The following ADGRL3 variants were observed in gnomAD, a reference collection of about 807,000 sequenced individuals.
The protein encoded by ADGRL3 is calcium-independent alpha-latrotoxin receptor 3.
ADGRL3 carries 62 observed loss-of-function variants against 153.5 expected under a neutral mutation model. The ratio of observed to expected loss-of-function variants is 0.40; its 90% CI spans 0.33 to 0.50. The LOEUF (loss-of-function observed/expected upper bound fraction) is 0.50. Ranked by LOEUF, ADGRL3 falls within the 20% of genes least tolerant of loss-of-function variation. The pLI is 0.47. For missense variants in ADGRL3, 1,641 were observed against 1,859.4 expected (o/e 0.88, Z 2.16); for synonymous variants, 710 against 672.5 (o/e 1.06, Z -0.86).
Position 61,517,303 on chromosome 4 carries a change from C to CG in ADGRL3, c.56-10dup. 1.4e-6 allele frequency: 1 copy of CG among 702,158 alleles called. No individual in the cohort carries two copies. The highest frequency in any genetic ancestry group is 2.6e-6 in the Non-Finnish European group (1 of 384,980). 43.5% of individuals were successfully genotyped at this position (702,158 alleles called of 1,614,324 possible). ...AGCAGGGGTCTGATGGTGCGCCCTG[C>CG]GGTCCCCGCAGGTGGCAAGCACAGT... is the stretch of plus-strand genomic sequence containing the variant. On this transcript the variant is annotated splice_polypyrimidine_tract_variant and intron_variant, in intron 3 of 26. Coordinates refer to ENST00000683033, the MANE Select transcript of ADGRL3 (RefSeq NM_001387552.1).
intron 20 of ADGRL3, 58 bp downstream of exon 20, chr4:61,996,415 C>A: frequency 1.7e-6 from 2 of 1,161,228 alleles, no homozygotes; most frequent in Non-Finnish European, 2.6e-6. Context: ...CTTTCACTAT[C>A]CCAGTACTGA....
intron 9 of ADGRL3, among the ~76,000 whole-genome samples, chr4:61,878,410 T>A (rs545632864): frequency 6.6e-6 from 1 of 152,320 alleles, no homozygotes; most frequent in East Asian, 1.9e-4. Flanking sequence ...TGTTTGTTTT[T>A]TGGGTTTTGT....
At chr4:61,383,065 A>G (rs2096690022) in intron 1 of ADGRL3, 59 bp from the exon 2 acceptor site, 2 of 151,896 alleles carry the variant, frequency 1.3e-5, no homozygotes, top group South Asian at 2.1e-4. Context: ...CTGTAACCAT[A>G]AAACAGAATA....
At position 61,303,539 on chromosome 4, in the gene ADGRL3, AC is replaced by A. The variant is rs1174713805; in HGVS notation, c.-239-79584del. ...TTACCTGAAACTAGCTGTGACAGAAACGGTTTCTGGAAAATATCATTATGTG... is the reference window on the plus strand; with the variant it reads ...TTACCTGAAACTAGCTGTGACAGAAAGGTTTCTGGAAAATATCATTATGTG... On this transcript the variant is annotated intron_variant, in intron 1 of 26. Coordinates refer to ENST00000683033, the MANE Select transcript of ADGRL3 (RefSeq NM_001387552.1). Among the ~76,000 whole-genome samples, 13 of 152,252 alleles carry A rather than the reference AC, an allele frequency of 8.5e-5. No individual in the cohort carries two copies. The South Asian group carries it at 2.1e-3, about 24-fold the overall frequency.
intron 13 of ADGRL3, among the ~76,000 whole-genome samples, chr4:61,930,950 A>T (rs901576824): frequency 2.6e-5 from 4 of 152,198 alleles, no homozygotes; most frequent in African/African-American, 9.7e-5. Flanking sequence ...TGTGAATAAA[A>T]TATACAATAC....
At chr4:61,825,504 C>T (rs4467601) in intron 9 of ADGRL3, among the ~76,000 whole-genome samples, 59,399 of 151,824 alleles carry the variant, frequency 0.39, 12,491 homozygotes, top group East Asian at 0.61. Flanking sequence ...TCCTTAAATC[C>T]TATTGGTTTA....
intron 1 of ADGRL3, among the ~76,000 whole-genome samples, chr4:61,351,018 A>C (rs1214939131): frequency 6.6e-6 from 1 of 152,188 alleles, no homozygotes; most frequent in Non-Finnish European, 1.5e-5. Flanking sequence ...GAAAGCTAGG[A>C]CTTTTGTCCC....
chr4:61,982,774 A>T (rs1164517128), intron 18 of ADGRL3, among the ~76,000 whole-genome samples: 1 of 152,188 alleles, frequency 6.6e-6, no homozygotes. Context: ...TTTTAAGCAG[A>T]TCCATTTTTA....
At chr4:61,548,451 T>A (rs1203738497) in intron 4 of ADGRL3, among the ~76,000 whole-genome samples, 1 of 152,154 alleles carries the variant, frequency 6.6e-6, no homozygotes, top group Non-Finnish European at 1.5e-5. Flanking sequence ...TTTAGTTGAT[T>A]TTTGCATATG....
chr4:61,441,590 GCTCACTGCAACCTCTGC>G (rs1164255482), intron 2 of ADGRL3, among the ~76,000 whole-genome samples: 3 of 151,098 alleles, frequency 2.0e-5, no homozygotes, highest in Non-Finnish European at 4.4e-5. Flanking sequence ...TGCGATCTCA[GCTCACTGCAACCTCTGC>G]CTCCTGGGTT....
At chr4:61,372,941 T>C (rs558760779) in intron 1 of ADGRL3, among the ~76,000 whole-genome samples, 1 of 152,318 alleles carries the variant, frequency 6.6e-6, no homozygotes, top group South Asian at 2.1e-4. Flanking sequence ...TGCGCCCTTT[T>C]TTAAGCCCGT....
chr4:61,461,960 A>G (rs950557968), intron 2 of ADGRL3, among the ~76,000 whole-genome samples: 3 of 152,226 alleles, frequency 2.0e-5, no homozygotes, highest in African/African-American at 4.8e-5. Flanking sequence ...ACAAAATTCA[A>G]ACAAAAGCAC....
At chr4:61,613,964 G>C (rs904279103) in intron 5 of ADGRL3, among the ~76,000 whole-genome samples, 13 of 152,134 alleles carry the variant, frequency 8.5e-5, no homozygotes, top group African/African-American at 3.1e-4. Context: ...AAAGTTGTCA[G>C]TATGAATTTG....
chr4:61,227,259 G>C (rs985056975), intron 1 of ADGRL3, among the ~76,000 whole-genome samples: 2 of 152,046 alleles, frequency 1.3e-5, no homozygotes, highest in African/African-American at 2.4e-5. Flanking sequence ...AGGCTGGAGT[G>C]CAGAGATCTG....
At chr4:61,749,992 CATTG>C (rs2096731538) in intron 8 of ADGRL3, among the ~76,000 whole-genome samples, 2 of 151,882 alleles carry the variant, frequency 1.3e-5, no homozygotes, top group Admixed American at 1.3e-4. Context: ...ATGAATGATT[CATTG>C]ATTGATTCTT....
At chr4:61,485,233 C>G (rs1294492585) in intron 2 of ADGRL3, among the ~76,000 whole-genome samples, 1 of 152,174 alleles carries the variant, frequency 6.6e-6, no homozygotes, top group Non-Finnish European at 1.5e-5. Flanking sequence ...GCTACTGATA[C>G]ACTAACTACT....
At chr4:61,254,221 C>A (rs925223490) in intron 1 of ADGRL3, among the ~76,000 whole-genome samples, 6 of 152,112 alleles carry the variant, frequency 3.9e-5, no homozygotes, top group Non-Finnish European at 7.4e-5. Context: ...GTCCCCAATT[C>A]ACTTCCATCT....
chr4:61,620,188 C>T (rs2092399557), intron 5 of ADGRL3, among the ~76,000 whole-genome samples: 1 of 151,984 alleles, frequency 6.6e-6, no homozygotes, highest in Admixed American at 6.6e-5. Flanking sequence ...TAACTAATTT[C>T]TCTACATTCT....
At chr4:61,351,259 C>A (rs1322395588) in intron 1 of ADGRL3, among the ~76,000 whole-genome samples, 1 of 152,114 alleles carries the variant, frequency 6.6e-6, no homozygotes, top group African/African-American at 2.4e-5. Flanking sequence ...AGATGTGAAG[C>A]AGCTGTAGAA....
Sources: gnomAD v4.1 joint callset for allele counts (sites outside exome capture counted in the v4.1 genomes callset) on GRCh38, gnomAD v4.1.1 for gene constraint, MANE v1.5 for transcripts, NCBI Gene and HGNC (gene_info 2026-07-23, HGNC 2026-07-21) for gene names.